Variants in CD99L2 observed in about 807,000 individuals in gnomAD.
The protein encoded by CD99L2 is CD99 antigen-like protein 2.
In CD99L2, 24 loss-of-function variants were observed where a neutral mutation model predicts 27.3. The observed-to-expected ratio is 0.88, with a 90% CI of 0.64 to 1.24. CD99L2 has a LOEUF of 1.24. Among genes scored for constraint, CD99L2 ranks in the 50% most tolerant of loss-of-function variants. CD99L2 has a pLI of 0.00. For missense variants in CD99L2, 255 were observed against 221.6 expected (o/e 1.15, Z -0.96); for synonymous variants, 97 against 87.9 (o/e 1.10, Z -0.58).
At chrX:150,824,425 G>A (rs868970121) in intron 2 of CD99L2, among the ~76,000 whole-genome samples, 5 of 88,693 alleles carry the variant, frequency 5.6e-5, no homozygotes, top group African/African-American at 2.1e-4. Flanking sequence ...AAGAAGAAAA[G>A]AGAAGAAGAA....
rs377075423 is a variant in CD99L2 at position 150,795,295 on chromosome X, T to C, written c.347-6A>G. 15 of 1,209,879 alleles carry C rather than the reference T, an allele frequency of 1.2e-5. No individual in the cohort carries two copies. Among genetic ancestry groups the C allele is most frequent in the Middle Eastern group, 4.6e-4 (2 of 4,372 alleles). On this transcript the variant is annotated splice_region_variant and splice_polypyrimidine_tract_variant and intron_variant, in intron 5 of 10. Transcript: ENST00000370377. ...AGCCAAGTCAAAATCATTTCCTTCA[T>C]GGGGTCCCAAAATAAAAGAAATACT...
intron 2 of CD99L2, among the ~76,000 whole-genome samples, chrX:150,824,738 C>T (rs1168386398): frequency 7.9e-5 from 7 of 88,512 alleles, no homozygotes; most frequent in African/African-American, 2.7e-4. Flanking sequence ...AGAAACCTTG[C>T]CTGTCAATAC....
At chrX:150,876,203 A>G (rs1343984160) in intron 1 of CD99L2, among the ~76,000 whole-genome samples, 4 of 112,254 alleles carry the variant, frequency 3.6e-5, no homozygotes, top group African/African-American at 1.3e-4. Flanking sequence ...TTGCCTCTCC[A>G]TGAGAATGAC....
chrX:150,777,554 C>T lies in CD99L2; in HGVS notation c.497-72G>A, dbSNP rs782719596. 2.2e-4 allele frequency: 239 copies of T among 1,070,172 alleles called. 1 individual carries two copies. The highest frequency in any genetic ancestry group is 6.9e-4 in the Admixed American group (26 of 37,795). 88.2% of individuals were successfully genotyped at this position (1,070,172 alleles called of 1,213,427 possible). ...GGCTCGAGCTCGGGCCTCCGCGAGA[C>T]GGATGGCAGTGCTGGCCCTTCCAAT... On this transcript the variant is annotated intron_variant, in intron 7 of 10. Transcript: ENST00000370377.
At chrX:150,779,414 G>T (rs782059071) in intron 7 of CD99L2, among the ~76,000 whole-genome samples, 1 of 112,395 alleles carries the variant, frequency 8.9e-6, no homozygotes, top group South Asian at 3.7e-4. Context: ...TCTCAGATGG[G>T]CATGTGAACT....
In CD99L2 at chrX:150,776,253, G is replaced by A. The variant is rs376106710; in HGVS notation, c.576C>T (p.Ser192=). 50 of 1,208,290 alleles carry A rather than the reference G, an allele frequency of 4.1e-5. No homozygotes were observed. Among genetic ancestry groups the A allele is most frequent in the Middle Eastern group, 2.3e-4 (1 of 4,362 alleles). The part of the protein sequence containing the change: ...AEPGTIAGVA[S]ALAMALIGAV... Reference sequence around the variant, plus strand: ...CACCGATGAGGGCCATGGCCAGGGCGCTGGCCACCCCGGCAATGGTGCCAG... The same window carrying A: ...CACCGATGAGGGCCATGGCCAGGGCACTGGCCACCCCGGCAATGGTGCCAG... The change falls in exon 9 of 11, where the codon AGC becomes AGT. Residue 192 remains serine, a synonymous_variant. Coordinates refer to ENST00000370377, the MANE Select transcript of CD99L2 (RefSeq NM_031462.4).
At chrX:150,886,053 C>T (rs969213471) in intron 1 of CD99L2, among the ~76,000 whole-genome samples, 4 of 111,689 alleles carry the variant, frequency 3.6e-5, no homozygotes, top group African/African-American at 1.3e-4. Flanking sequence ...AGGTATGTTC[C>T]TAGAGTTGCC....
intron 4 of CD99L2, among the ~76,000 whole-genome samples, chrX:150,798,029 G>A (rs2045824757): frequency 1.1e-5 from 1 of 93,111 alleles, no homozygotes; most frequent in Admixed American, 1.2e-4. Context: ...GCGACAGAAT[G>A]AGACCCCGTC....
chrX:150,853,302 C>G (rs2046820919), intron 1 of CD99L2, among the ~76,000 whole-genome samples: 1 of 112,022 alleles, frequency 8.9e-6, no homozygotes, highest in South Asian at 3.7e-4. Flanking sequence ...ACACTGTAAC[C>G]TGCTCTGACA....
chrX:150,887,804 A>G (rs2047438089), intron 1 of CD99L2, among the ~76,000 whole-genome samples: 1 of 111,694 alleles, frequency 9.0e-6, no homozygotes, highest in South Asian at 3.7e-4. Context: ...GAAGGAACAG[A>G]AAATGAAGAG....
intron 7 of CD99L2, among the ~76,000 whole-genome samples, chrX:150,792,679 G>A (rs1557419745): frequency 1.8e-5 from 2 of 111,949 alleles, no homozygotes; most frequent in Non-Finnish European, 3.8e-5. Context: ...ATAACCGGGT[G>A]TAACAGCAAT....
chrX:150,858,113 G>A (rs2046921384), intron 1 of CD99L2, among the ~76,000 whole-genome samples: 1 of 111,891 alleles, frequency 8.9e-6, no homozygotes. Context: ...AGACAAAGAA[G>A]GTCATTGTAT....
At chrX:150,862,514 A>C (rs1350551602) in intron 1 of CD99L2, among the ~76,000 whole-genome samples, 1 of 112,543 alleles carries the variant, frequency 8.9e-6, no homozygotes, top group East Asian at 2.8e-4. Flanking sequence ...AAAGGAGCAC[A>C]GCCATGCTGA....
At chrX:150,836,339 T>C (rs971396302) in intron 1 of CD99L2, among the ~76,000 whole-genome samples, 3 of 96,850 alleles carry the variant, frequency 3.1e-5, no homozygotes, top group Non-Finnish European at 6.2e-5. Flanking sequence ...TGAAATCATA[T>C]TTAGCTTAAT....
At chrX:150,878,337 TAA>T (rs782307753) in intron 1 of CD99L2, among the ~76,000 whole-genome samples, 10 of 89,019 alleles carry the variant, frequency 1.1e-4, no homozygotes, top group Non-Finnish European at 6.7e-5. Context: ...AAACTCTGTC[TAA>T]AAAAAAAAAA....
At chrX:150,866,728 G>C (rs1557422051) in intron 1 of CD99L2, among the ~76,000 whole-genome samples, 2 of 112,036 alleles carry the variant, frequency 1.8e-5, no homozygotes, top group Admixed American at 9.5e-5. Flanking sequence ...TCAACACAAA[G>C]AAATGATAAA....
intron 1 of CD99L2, among the ~76,000 whole-genome samples, chrX:150,865,949 C>G (rs1278587220): frequency 9.0e-6 from 1 of 111,016 alleles, no homozygotes; most frequent in Non-Finnish European, 1.9e-5. Flanking sequence ...AGTGAAAACC[C>G]ATCTCTACAA....
chrX:150,868,126 T>TA (rs2047100335), intron 1 of CD99L2, among the ~76,000 whole-genome samples: 3 of 106,125 alleles, frequency 2.8e-5, no homozygotes, highest in Non-Finnish European at 3.9e-5. Context: ...ATAATAATAA[T>TA]ATATTGTATG....
At chrX:150,853,473 C>T (rs1294759194) in intron 1 of CD99L2, among the ~76,000 whole-genome samples, 1 of 111,255 alleles carries the variant, frequency 9.0e-6, no homozygotes, top group Non-Finnish European at 1.9e-5. Context: ...CCTGCTGCAT[C>T]GGGCTCTTGT....
Sources: allele counts gnomAD v4.1 joint callset (sites outside exome capture counted in the v4.1 genomes callset), GRCh38; gene constraint gnomAD v4.1.1; transcripts MANE v1.5; gene names NCBI Gene and HGNC (gene_info 2026-07-23, HGNC 2026-07-21).